Variants in MSI2 observed in about 807,000 individuals in gnomAD.
MSI2 encodes the protein RNA-binding protein Musashi homolog 2.
Under a neutral mutation model 45.6 loss-of-function variants are expected in MSI2, and 17 were observed. That is an observed-to-expected ratio of 0.37 (90% CI 0.26 to 0.56). The LOEUF (loss-of-function observed/expected upper bound fraction) is 0.56, where lower values mean the gene tolerates loss of function less well. Ranked by LOEUF, MSI2 falls within the 20% of genes least tolerant of loss-of-function variation. The pLI, the probability that MSI2 is intolerant of heterozygous loss-of-function variation, is 0.77. For synonymous variants in MSI2, 156 were observed against 158.2 expected (o/e 0.99, Z 0.11); for missense variants, 293 against 444.2 (o/e 0.66, Z 3.06).
chr17:57,614,252 C>T (rs191464611), intron 8 of MSI2, among the ~76,000 whole-genome samples: 15 of 152,218 alleles, frequency 9.9e-5, no homozygotes, highest in Admixed American at 7.2e-4. Flanking sequence ...AGGGTTTTGC[C>T]ACGATAGCCA....
intron 6 of MSI2, among the ~76,000 whole-genome samples, chr17:57,505,058 A>G (rs2086198486): frequency 6.6e-6 from 1 of 152,158 alleles, no homozygotes; most frequent in African/African-American, 2.4e-5. Flanking sequence ...AAAGCTTTCA[A>G]CTGCAGGAGG....
intron 10 of MSI2, among the ~76,000 whole-genome samples, chr17:57,639,153 T>C (rs755859558): frequency 1.3e-5 from 2 of 152,100 alleles, no homozygotes; most frequent in Non-Finnish European, 2.9e-5. Context: ...CCTCCTAATA[T>C]CATCACCTTG....
chr17:57,511,861 GGCCAGGCCCACACAGACAGCT>G (rs2086363213), intron 6 of MSI2, among the ~76,000 whole-genome samples: 1 of 152,174 alleles, frequency 6.6e-6, no homozygotes, highest in Admixed American at 6.5e-5. Flanking sequence ...AGCTCACACA[GGCCAGGCCCACACAGACAGCT>G]GTGCTTTCTG....
At position 57,320,766 on chromosome 17, in the gene MSI2, AC is replaced by A. The variant is rs926100006; in HGVS notation, c.312+58575del. Among the ~76,000 whole-genome samples, 10 of 152,028 alleles carry A rather than the reference AC, an allele frequency of 6.6e-5. No individual in the cohort carries two copies. The East Asian group carries it at 1.9e-3, about 29-fold the overall frequency. ...ACATACAGAAAGAAATACTAAGCGG[AC>A]TCTTGCTGTCTTTGCAACCAAGCAA... On this transcript the variant is annotated intron_variant, in intron 5 of 13. Transcript: ENST00000284073.
At chr17:57,430,942 G>A (rs1450451890) in intron 6 of MSI2, among the ~76,000 whole-genome samples, 2 of 152,240 alleles carry the variant, frequency 1.3e-5, no homozygotes, top group Non-Finnish European at 2.9e-5. Flanking sequence ...TTTGGCACTG[G>A]TTATGATTTT....
chr17:57,303,913 C>T (rs1037639480), intron 5 of MSI2, among the ~76,000 whole-genome samples: 2 of 152,168 alleles, frequency 1.3e-5, no homozygotes, highest in African/African-American at 4.8e-5. Context: ...AGGAGGATTT[C>T]TCAGAAGAGG....
chr17:57,429,767 G>A (rs1271641876), intron 6 of MSI2, among the ~76,000 whole-genome samples: 1 of 151,570 alleles, frequency 6.6e-6, no homozygotes, highest in African/African-American at 2.4e-5. Flanking sequence ...AAATAGCTAA[G>A]CAAAAGGGAG....
At chr17:57,400,810 CAGGGTG>C (rs927342557) in intron 5 of MSI2, among the ~76,000 whole-genome samples, 5 of 151,964 alleles carry the variant, frequency 3.3e-5, no homozygotes, top group Non-Finnish European at 7.4e-5. Context: ...TGACTGGGTG[CAGGGTG>C]AATCAAGATG....
chr17:57,456,933 G>A lies in MSI2; in HGVS notation c.405+55462G>A, dbSNP rs17821679. On this transcript the variant is annotated intron_variant, in intron 6 of 13. Transcript: ENST00000284073. ...TTTCCCACCCAATCTCCATGCACCC[G>A]GGTCCTGTGGTTTCATTGGCACTTC... Among the ~76,000 whole-genome samples, 29 of 152,286 alleles carry A rather than the reference G, an allele frequency of 1.9e-4. No homozygotes were observed. In the East Asian group the frequency reaches 3.3e-3, roughly 17 times the overall value.
chr17:57,597,001 C>A, intron 8 of MSI2, 51 bp downstream of exon 8: 2 of 1,337,400 alleles, frequency 1.5e-6, no homozygotes, highest in Non-Finnish European at 2.2e-6. Context: ...TCTCTACGTA[C>A]ACACCCAGTC....
chr17:57,307,069 A>T (rs1911981723), intron 5 of MSI2, among the ~76,000 whole-genome samples: 1 of 152,202 alleles, frequency 6.6e-6, no homozygotes, highest in Non-Finnish European at 1.5e-5. Flanking sequence ...ATGCCTGCTT[A>T]TTCCTTGGGC....
At chr17:57,391,717 C>CTCTT (rs1483924369) in intron 5 of MSI2, among the ~76,000 whole-genome samples, 4 of 152,208 alleles carry the variant, frequency 2.6e-5, no homozygotes, top group Admixed American at 2.6e-4. Context: ...TCCTGTCTGG[C>CTCTT]TCTTTCTTTC....
chr17:57,695,719 T>C, the MSI2 span, among the ~76,000 whole-genome samples: 1 of 152,132 alleles, frequency 6.6e-6, no homozygotes, highest in Non-Finnish European at 1.5e-5. Flanking sequence ...ATTAGTCTGC[T>C]GTGGTTGCCA....
intron 6 of MSI2, among the ~76,000 whole-genome samples, chr17:57,492,045 A>G (rs958277326): frequency 2.0e-5 from 3 of 152,196 alleles, no homozygotes; most frequent in African/African-American, 7.2e-5. Flanking sequence ...TGTTTAAAAG[A>G]AAAAAACAGA....
At chr17:57,532,590 G>A (rs1366258534) in intron 7 of MSI2, among the ~76,000 whole-genome samples, 1 of 152,250 alleles carries the variant, frequency 6.6e-6, no homozygotes, top group Non-Finnish European at 1.5e-5. Flanking sequence ...TATGGAGCGA[G>A]CCGGCCCCAC....
intron 5 of MSI2, among the ~76,000 whole-genome samples, chr17:57,344,423 GC>G (rs1598148951): frequency 6.6e-6 from 1 of 152,214 alleles, no homozygotes; most frequent in African/African-American, 2.4e-5. Flanking sequence ...TTATTTTTAA[GC>G]ACTTCTTTAC....
chr17:57,569,405 T>TGATC (rs769276707), intron 7 of MSI2, among the ~76,000 whole-genome samples: 3 of 152,226 alleles, frequency 2.0e-5, no homozygotes, highest in Non-Finnish European at 4.4e-5. Context: ...GTCTTGCTGA[T>TGATC]GGATCTCTGA....
At chr17:57,630,752 G>A (rs1909291736) in intron 10 of MSI2, 2 of 152,328 alleles carry the variant, frequency 1.3e-5, no homozygotes, top group South Asian at 4.1e-4. Flanking sequence ...AGCGCAGGGA[G>A]TAGCTGAGCC....
At chr17:57,455,652 G>A (rs1041154187) in intron 6 of MSI2, among the ~76,000 whole-genome samples, 1 of 152,174 alleles carries the variant, frequency 6.6e-6, no homozygotes, top group Admixed American at 6.5e-5. Context: ...GATGTGGGGA[G>A]CAGGGGCCGA....
Sources: allele counts gnomAD v4.1 joint callset (sites outside exome capture counted in the v4.1 genomes callset), GRCh38; gene constraint gnomAD v4.1.1; transcripts MANE v1.5; gene names NCBI Gene and HGNC (gene_info 2026-07-23, HGNC 2026-07-21).